CASTOR2: variants seen among roughly 807,000 people sequenced by gnomAD.
CASTOR2 encodes GATS protein like 2.
In CASTOR2, 8 loss-of-function variants were observed where a neutral mutation model predicts 31.2. The observed-to-expected ratio is 0.26, with a 90% CI of 0.15 to 0.46. The LOEUF is 0.46. Ranked by LOEUF, CASTOR2 falls within the 20% of genes least tolerant of loss-of-function variation. CASTOR2 has a pLI of 0.99. For synonymous variants in CASTOR2, 162 were observed against 158.7 expected, an observed-to-expected ratio of 1.02 and a Z score of -0.16; for missense variants, 216 against 382.1, an observed-to-expected ratio of 0.57 and a Z score of 3.62.
chr7:75,021,304 T>A (rs1210337192), intron 6 of CASTOR2, among the ~76,000 whole-genome samples: 4 of 152,078 alleles, frequency 2.6e-5, no homozygotes, highest in Admixed American at 2.6e-4. Flanking sequence ...TTTTTGTATT[T>A]TTCGTAGAGA....
chr7:75,006,340 TC>T (rs1300399082), intron 1 of CASTOR2, among the ~76,000 whole-genome samples: 18 of 152,150 alleles, frequency 1.2e-4, no homozygotes, highest in Admixed American at 3.3e-4. Flanking sequence ...CATTTTGTAC[TC>T]CCACCAGCAG....
chr7:75,019,297 C>T (rs1299255623), intron 5 of CASTOR2, among the ~76,000 whole-genome samples: 5 of 151,266 alleles, frequency 3.3e-5, no homozygotes, highest in Admixed American at 1.3e-4. Context: ...GGACCTGCCC[C>T]GGAGCTAGTC....
chr7:75,021,471 AAGCTGGTCCCCC>A (rs1401185905), intron 6 of CASTOR2, among the ~76,000 whole-genome samples: 2 of 152,168 alleles, frequency 1.3e-5, no homozygotes, highest in Non-Finnish European at 2.9e-5. Flanking sequence ...CATCATAAGT[AAGCTGGTCCCCC>A]AGCTCAGAGA....
chr7:74,986,212 A>C (rs1299031552), intron 1 of CASTOR2, among the ~76,000 whole-genome samples: 1 of 148,432 alleles, frequency 6.7e-6, no homozygotes, highest in Non-Finnish European at 1.5e-5. Flanking sequence ...TGACAGGCGT[A>C]AGCTGCCACA....
chr7:74,982,924 C>T (rs587737333), intron 1 of CASTOR2, among the ~76,000 whole-genome samples: 117 of 25,876 alleles, frequency 4.5e-3, no homozygotes, highest in South Asian at 9.3e-3. Context: ...GTATCCATTC[C>T]TCAAGCCAGG....
chr7:74,972,736 A>G (rs1156891553), intron 1 of CASTOR2, among the ~76,000 whole-genome samples: 3 of 149,924 alleles, frequency 2.0e-5, no homozygotes, highest in African/African-American at 7.4e-5. Context: ...CTGGAGTGCA[A>G]TGGCGCAATC....
intron 1 of CASTOR2, among the ~76,000 whole-genome samples, chr7:75,001,071 C>G (rs1199310411): frequency 4.6e-5 from 7 of 151,862 alleles, no homozygotes; most frequent in African/African-American, 1.7e-4. Flanking sequence ...GGAATCAAGC[C>G]TGCATCTTTT....
chr7:74,987,792 T>G (rs1804107619), intron 1 of CASTOR2, among the ~76,000 whole-genome samples: 1 of 151,958 alleles, frequency 6.6e-6, no homozygotes, highest in Non-Finnish European at 1.5e-5. Context: ...CACTGCAACC[T>G]CCACCTCCCA....
At chr7:74,969,352 G>A (rs1361405212) in intron 1 of CASTOR2, among the ~76,000 whole-genome samples, 2 of 71,332 alleles carry the variant, frequency 2.8e-5, no homozygotes, top group African/African-American at 6.8e-5. Context: ...GCGTGATCAC[G>A]GCTCACTGCA....
At position 75,026,189 on chromosome 7, in the gene CASTOR2, G is replaced by GTTTTTTTTTTTTTTTTTTTTTTTTTT. The variant is rs879121750; in HGVS notation, c.*1507_*1508insTTTTTTTTTTTTTTTTTTTTTTTTTT. 1.3e-4 allele frequency among the ~76,000 whole-genome samples: 15 copies of GTTTTTTTTTTTTTTTTTTTTTTTTTT among 117,712 alleles called. 1 individual carries two copies. Among genetic ancestry groups the GTTTTTTTTTTTTTTTTTTTTTTTTTT allele is most frequent in the African/African-American group, 1.9e-4 (6 of 30,794 alleles). The allele number at this position is 117,712 out of a possible 152,430, so 77.2% of individuals were successfully genotyped here. On this transcript the variant is annotated 3_prime_UTR_variant, in exon 9 of 9. Coordinates refer to ENST00000616305, the MANE Select transcript of CASTOR2 (RefSeq NM_001145064.3). Reference sequence around the variant, plus strand: ...CCCTGTGGTTTTGGCTCTGGCGGGGGTTTTTTTTTTTTTTTTTGAGATGGG... The same window carrying GTTTTTTTTTTTTTTTTTTTTTTTTTT: ...CCCTGTGGTTTTGGCTCTGGCGGGGGTTTTTTTTTTTTTTTTTTTTTTTTTTTTTTTTTTTTTTTTTTTGAGATGGG...
At chr7:74,974,662 A>G (rs2131915752) in intron 1 of CASTOR2, among the ~76,000 whole-genome samples, 1 of 136,294 alleles carries the variant, frequency 7.3e-6, no homozygotes, top group East Asian at 2.2e-4. Context: ...CCTGGGTTCA[A>G]GTGACTCTTG....
At position 75,030,448 on chromosome 7, in the gene CASTOR2, T is replaced by A. The variant is rs1440367632; in HGVS notation, c.*5749T>A. ...GTGGGGCGTCTCTGGTAGGACGGCC[T>A]CACCCCACTTGTCAGAACTACTCTG... is the stretch of plus-strand genomic sequence containing the variant. On this transcript the variant is annotated 3_prime_UTR_variant, in exon 9 of 9. Coordinates refer to ENST00000616305, the MANE Select transcript of CASTOR2 (RefSeq NM_001145064.3). Among the ~76,000 whole-genome samples, 1 of 152,150 alleles carries A rather than the reference T, an allele frequency of 6.6e-6. No homozygotes were observed. Among genetic ancestry groups the A allele is most frequent in the Non-Finnish European group, 1.5e-5 (1 of 68,022 alleles).
Position 74,991,096 on chromosome 7 carries a change from A to G in CASTOR2, c.114-16898A>G, listed in dbSNP as rs1416563572. 3.3e-5 allele frequency among the ~76,000 whole-genome samples: 5 copies of G among 151,430 alleles called. No homozygotes were observed. The East Asian group carries it at 9.7e-4, about 29-fold the overall frequency. On this transcript the variant is annotated intron_variant, in intron 1 of 8. Coordinates refer to ENST00000616305, the MANE Select transcript of CASTOR2 (RefSeq NM_001145064.3). Reference sequence around the variant, plus strand: ...CTGGAAAAAAAAAAAAAAGGAAAAGAAAAAGAAAATGCCCTCGCACCTAAC... The same window carrying G: ...CTGGAAAAAAAAAAAAAAGGAAAAGGAAAAGAAAATGCCCTCGCACCTAAC...
At chr7:74,996,326 C>T (rs1408239316) in intron 1 of CASTOR2, among the ~76,000 whole-genome samples, 4 of 152,164 alleles carry the variant, frequency 2.6e-5, no homozygotes, top group African/African-American at 9.6e-5. Context: ...TGAGTGTGAC[C>T]GGGAACCAGG....
In CASTOR2 at chr7:74,964,801, C is replaced by T. The variant is rs1360832136; in HGVS notation, c.-185C>T. The T allele has an allele frequency of 1.5e-5, 1 of 65,578 alleles. No homozygotes were observed. The highest frequency in any genetic ancestry group is 2.9e-5 in the Non-Finnish European group (1 of 34,258). 4.1% of individuals were successfully genotyped at this position (65,578 alleles called of 1,614,324 possible). A position where few individuals can be genotyped will look rare whatever the true frequency, so the allele number is the denominator to read the frequency against. On this transcript the variant is annotated 5_prime_UTR_variant, in exon 1 of 9. Transcript: ENST00000616305. Reference sequence around the variant, plus strand: ...GCTGCCTCCCTCGCCCCGCGGCTCCCCCTTGCAACTTGGCGGGCCTCCTCC... The same window carrying T: ...GCTGCCTCCCTCGCCCCGCGGCTCCTCCTTGCAACTTGGCGGGCCTCCTCC...
At chr7:74,999,856 G>A (rs1452810895) in intron 1 of CASTOR2, among the ~76,000 whole-genome samples, 10 of 151,812 alleles carry the variant, frequency 6.6e-5, no homozygotes, top group Non-Finnish European at 8.8e-5. Context: ...CTTGTGATCC[G>A]CCTGCCTTGG....
chr7:75,023,831 A>G (rs939208385), intron 7 of CASTOR2, among the ~76,000 whole-genome samples: 11 of 152,166 alleles, frequency 7.2e-5, no homozygotes, highest in Non-Finnish European at 1.5e-4. Context: ...TTCATGAGGA[A>G]TCCACCCTCA....
chr7:74,996,878 G>A (rs1321428221), intron 1 of CASTOR2, among the ~76,000 whole-genome samples: 6 of 151,084 alleles, frequency 4.0e-5, no homozygotes, highest in Non-Finnish European at 5.9e-5. Flanking sequence ...ACAGGTGCCT[G>A]CCACCACGCC....
At chr7:75,024,248 C>T (rs902130384) in intron 7 of CASTOR2, among the ~76,000 whole-genome samples, 192 bp from the exon 8 acceptor site, 1 of 152,130 alleles carries the variant, frequency 6.6e-6, no homozygotes, top group Non-Finnish European at 1.5e-5. Flanking sequence ...TGAGCTCACG[C>T]CAGTGCACTC....
Sources: gnomAD v4.1 joint callset for allele counts (sites outside exome capture counted in the v4.1 genomes callset) on GRCh38, gnomAD v4.1.1 for gene constraint, MANE v1.5 for transcripts, NCBI Gene and HGNC (gene_info 2026-07-23, HGNC 2026-07-21) for gene names.